CHLSN: variants seen among roughly 807,000 people sequenced by gnomAD.
The protein encoded by CHLSN is cholesin.
chr7:1,121,804 G>C, the CHLSN span, among the ~76,000 whole-genome samples: 1 of 152,146 alleles, frequency 6.6e-6, no homozygotes. Context: ...CACTCACACA[G>C]GGCAGCATGC....
At chr7:1,031,396 G>GC in the CHLSN span, among the ~76,000 whole-genome samples, 1 of 90,654 alleles carries the variant, frequency 1.1e-5, no homozygotes, top group Non-Finnish European at 2.3e-5. Flanking sequence ...TGGTCCGGGG[G>GC]GGCAGAGACC....
chr7:1,058,794 C>T, the CHLSN span: 1 of 472,800 alleles, frequency 2.1e-6, no homozygotes, highest in Non-Finnish European at 3.9e-6. Context: ...CCTTCAGCCT[C>T]CTCAGCATTC....
the CHLSN span, among the ~76,000 whole-genome samples, chr7:1,116,428 G>A: frequency 2.7e-4 from 36 of 134,032 alleles, 1 homozygote; most frequent in East Asian, 5.6e-3. Flanking sequence ...TCTACGGACC[G>A]GCTTCCATCA....
chr7:1,039,112 G>T, the CHLSN span, among the ~76,000 whole-genome samples: 1 of 58,616 alleles, frequency 1.7e-5, no homozygotes, highest in Non-Finnish European at 3.5e-5. Flanking sequence ...GGTGAGGGGC[G>T]CCTCTGCCCG....
chr7:1,080,022 C>G, the CHLSN span, among the ~76,000 whole-genome samples: 3 of 152,342 alleles, frequency 2.0e-5, no homozygotes, highest in East Asian at 1.9e-4. Flanking sequence ...AACCGGCCAC[C>G]AAAACAGACT....
the CHLSN span, among the ~76,000 whole-genome samples, chr7:1,030,705 CGGGGACTCTCTCTCTCCCGGGGCAGGG>C: frequency 1.1e-4 from 16 of 151,128 alleles, no homozygotes; most frequent in Middle Eastern, 3.4e-3. Context: ...CCCAGGCAGG[CGGGGACTCTCTCTCTCCCGGGGCAGGG>C]GGGGACTCTC....
At chr7:1,051,100 G>A in the CHLSN span, among the ~76,000 whole-genome samples, 1 of 152,208 alleles carries the variant, frequency 6.6e-6, no homozygotes. Flanking sequence ...CAGCACACCC[G>A]GACTTCTCGG....
At chr7:1,016,523 A>G in the CHLSN span, among the ~76,000 whole-genome samples, 441 of 136,542 alleles carry the variant, frequency 3.2e-3, 5 homozygotes, top group Non-Finnish European at 4.8e-3. Context: ...GCACAGCAGC[A>G]CACACCAGCA....
the CHLSN span, among the ~76,000 whole-genome samples, chr7:1,076,409 G>C: frequency 1.3e-5 from 2 of 152,194 alleles, no homozygotes; most frequent in Non-Finnish European, 2.9e-5. Flanking sequence ...GCAGGAGGCT[G>C]GGGAGCACCT....
chr7:986,129 C>T, the CHLSN span, among the ~76,000 whole-genome samples: 2 of 152,150 alleles, frequency 1.3e-5, no homozygotes, highest in African/African-American at 4.8e-5. Context: ...AGAGACGCCG[C>T]GTGGAACTCA....
chr7:990,662 C>T, the CHLSN span, among the ~76,000 whole-genome samples: 8 of 152,090 alleles, frequency 5.3e-5, no homozygotes, highest in South Asian at 2.1e-4. Context: ...GAGAAGGGGA[C>T]GGAGGGATGG....
At chr7:1,004,182 C>T in the CHLSN span, among the ~76,000 whole-genome samples, 112 of 152,188 alleles carry the variant, frequency 7.4e-4, no homozygotes, top group African/African-American at 2.4e-3. Context: ...GTCTGCTCCC[C>T]GGATGGCCGA....
the CHLSN span, among the ~76,000 whole-genome samples, chr7:1,114,565 C>A: frequency 6.6e-6 from 1 of 152,256 alleles, no homozygotes; most frequent in East Asian, 1.9e-4. Context: ...CATGGCCTAA[C>A]GCTGTTCCTG....
chr7:997,749 C>T, the CHLSN span: 48 of 1,610,632 alleles, frequency 3.0e-5, no homozygotes, highest in African/African-American at 2.8e-4. Flanking sequence ...CTCTCGGGCC[C>T]GGCCCTGCAG....
At chr7:1,091,382 T>C in the CHLSN span, 1 of 231,246 alleles carries the variant, frequency 4.3e-6, no homozygotes, top group Non-Finnish European at 8.5e-6. Context: ...CGATGAGACT[T>C]CATCCTCTCC....
the CHLSN span, among the ~76,000 whole-genome samples, chr7:1,086,585 C>T: frequency 5.9e-5 from 9 of 152,224 alleles, no homozygotes; most frequent in Non-Finnish European, 1.5e-5. Context: ...TGCACAGATG[C>T]CTTGAGCCCC....
chr7:1,064,798 A>T, the CHLSN span, among the ~76,000 whole-genome samples: 7 of 152,142 alleles, frequency 4.6e-5, no homozygotes, highest in African/African-American at 1.7e-4. Context: ...GTCCCACAGC[A>T]GTGAGCAGCC....
the CHLSN span, among the ~76,000 whole-genome samples, chr7:1,007,202 A>G: frequency 1.3e-5 from 2 of 152,200 alleles, no homozygotes; most frequent in African/African-American, 2.4e-5. Context: ...CTCCACACAC[A>G]GCCCACCTGG....
the CHLSN span, among the ~76,000 whole-genome samples, chr7:1,006,100 G>A: frequency 9.2e-5 from 14 of 152,328 alleles, no homozygotes; most frequent in African/African-American, 2.9e-4. Context: ...GCTGACAGCC[G>A]TGTGCCTCGC....
Sources: allele counts gnomAD v4.1 joint callset (sites outside exome capture counted in the v4.1 genomes callset), GRCh38; gene constraint gnomAD v4.1.1; transcripts MANE v1.5; gene names NCBI Gene and HGNC (gene_info 2026-07-23, HGNC 2026-07-21).